The following KIAA1671 variants were observed in gnomAD, a reference collection of about 807,000 sequenced individuals.
The protein encoded by KIAA1671 is uncharacterized protein KIAA1671.
Under a neutral mutation model 131.2 loss-of-function variants are expected in KIAA1671, and 52 were observed. The observed-to-expected ratio is 0.40, with a 90% CI of 0.32 to 0.50. The LOEUF is 0.50. KIAA1671 is among the 20% of genes least tolerant of loss of function. KIAA1671 has a pLI of 0.73. For synonymous variants in KIAA1671, 1,003 were observed against 961.6 expected (o/e 1.04, Z -0.80); for missense variants, 2,360 against 2,364.2 (o/e 1.00, Z 0.04).
rs1187660867 is a variant in KIAA1671, at chr22:25,040,707, G to A, written c.3577G>A (p.Gly1193Ser). 1 of 1,552,010 alleles carries A rather than the reference G, an allele frequency of 6.4e-7. No individual in the cohort carries two copies. The change falls in exon 5 of 13, where the codon GGC (glycine) becomes AGC (serine). Residue 1193 changes from glycine to serine, a missense_variant. Around this residue, in one of 3 missense-constraint regions of KIAA1671, gnomAD observed 1,161 missense variants for 1,204.7 expected, o/e 0.96. Transcript: ENST00000358431. ...SDTFPGKIRD[G>S]YRSSVLDIDA... ...CACGTTCCCAGGTAAAATCAGAGAT[G>A]GCTACAGATCCAGCGTTCTTGACAT...
chr22:24,999,884 T>C (rs1924345181), intron 1 of KIAA1671, among the ~76,000 whole-genome samples: 1 of 151,800 alleles, frequency 6.6e-6, no homozygotes, highest in African/African-American at 2.4e-5. Flanking sequence ...ATTTCATTTA[T>C]GTGCTTTGTT....
At chr22:25,128,152 G>A (rs1248223825) in intron 6 of KIAA1671, among the ~76,000 whole-genome samples, 1 of 152,218 alleles carries the variant, frequency 6.6e-6, no homozygotes, top group African/African-American at 2.4e-5. Flanking sequence ...CACGAGGAGA[G>A]TACCAGGCAG....
At chr22:24,981,426 C>T (rs916748181) in intron 1 of KIAA1671, among the ~76,000 whole-genome samples, 43 of 152,268 alleles carry the variant, frequency 2.8e-4, no homozygotes, top group African/African-American at 9.9e-4. Flanking sequence ...AGCCCCGCAT[C>T]GCATTCTTCC....
chr22:25,068,425 GT>G (rs992319081), intron 6 of KIAA1671, among the ~76,000 whole-genome samples: 31 of 151,824 alleles, frequency 2.0e-4, no homozygotes, highest in Non-Finnish European at 2.8e-4. Context: ...CCCTCTCCTT[GT>G]TTTTTGTTTT....
chr22:25,060,653 C>T (rs1928109370), intron 6 of KIAA1671: 9 of 152,226 alleles, frequency 5.9e-5, no homozygotes, highest in Admixed American at 4.6e-4. Context: ...AACGAACTGA[C>T]TTGGCCCAGG....
At chr22:25,176,697 C>T (rs1934040479) in intron 8 of KIAA1671, 1 of 152,256 alleles carries the variant, frequency 6.6e-6, no homozygotes, top group African/African-American at 2.4e-5. Flanking sequence ...CTTCCCATCT[C>T]CTTACTGGGG....
intron 1 of KIAA1671, among the ~76,000 whole-genome samples, chr22:24,983,674 C>G (rs1280890051): frequency 9.1e-6 from 1 of 109,696 alleles, no homozygotes; most frequent in Non-Finnish European, 1.7e-5. Context: ...CTAGGGCTTT[C>G]TGGCAGGAGT....
intron 1 of KIAA1671, among the ~76,000 whole-genome samples, chr22:24,985,800 C>T (rs1322751457): frequency 1.4e-5 from 2 of 147,112 alleles, no homozygotes; most frequent in Non-Finnish European, 3.0e-5. Context: ...GAGAGAGAAA[C>T]AGAATGAGAG....
rs1018353790 is a variant in KIAA1671, at chr22:25,013,897, C to T, written c.-207-11736C>T. Reference sequence around the variant, plus strand: ...TGAGGGCAAGGCCTGGTTTATTGCTCATTAGACATCTTTACTGGGTCTGCC... The same window carrying T: ...TGAGGGCAAGGCCTGGTTTATTGCTTATTAGACATCTTTACTGGGTCTGCC... On this transcript the variant is annotated intron_variant, in intron 1 of 12. Coordinates refer to ENST00000358431, the MANE Select transcript of KIAA1671 (RefSeq NM_001145206.2). The T allele has an allele frequency of 1.5e-4, 23 of 152,304 alleles. 1 individual carries two copies. Among genetic ancestry groups the T allele is most frequent in the East Asian group, 7.7e-4 (4 of 5,186 alleles). The allele number at this position is 152,304 out of a possible 1,614,324, so 9.4% of individuals were successfully genotyped here.
intron 6 of KIAA1671, among the ~76,000 whole-genome samples, chr22:25,079,746 G>C (rs1032934833): frequency 6.6e-6 from 1 of 152,170 alleles, no homozygotes; most frequent in Non-Finnish European, 1.5e-5. Context: ...TGACCATGCC[G>C]GGCCTTGCAG....
chr22:24,994,052 A>G (rs1602053055), intron 1 of KIAA1671, among the ~76,000 whole-genome samples: 3 of 151,912 alleles, frequency 2.0e-5, no homozygotes, highest in Non-Finnish European at 2.9e-5. Context: ...TTGCACTCCA[A>G]CCTAGGCAAC....
chr22:25,097,814 G>T (rs528979186), intron 6 of KIAA1671, among the ~76,000 whole-genome samples: 8 of 152,086 alleles, frequency 5.3e-5, no homozygotes, highest in African/African-American at 1.9e-4. Flanking sequence ...CATATGACTT[G>T]CAACACCTGA....
chr22:24,956,866 T>G (rs1366525323), intron 1 of KIAA1671, among the ~76,000 whole-genome samples: 1 of 116,602 alleles, frequency 8.6e-6, no homozygotes. Flanking sequence ...AGCGAGACTC[T>G]GTCTCAAAAA....
chr22:25,113,012 C>T, intron 6 of KIAA1671, among the ~76,000 whole-genome samples: 1 of 152,092 alleles, frequency 6.6e-6, no homozygotes, highest in South Asian at 2.1e-4. Flanking sequence ...GGGAGGGAGG[C>T]CTTGATTTCT....
chr22:24,992,642 C>A (rs538482520), intron 1 of KIAA1671, among the ~76,000 whole-genome samples: 1 of 151,640 alleles, frequency 6.6e-6, no homozygotes, highest in East Asian at 1.9e-4. Flanking sequence ...TGGTGAAACC[C>A]CCTCTCTACT....
At chr22:25,188,075 C>CACA (rs1934536892) in intron 11 of KIAA1671, among the ~76,000 whole-genome samples, 2 of 152,170 alleles carry the variant, frequency 1.3e-5, no homozygotes, top group Admixed American at 6.5e-5. Context: ...CTGAGGTGGG[C>CACA]GGATCACAAG....
At chr22:25,097,737 A>C (rs560797833) in intron 6 of KIAA1671, among the ~76,000 whole-genome samples, 168 of 55,808 alleles carry the variant, frequency 3.0e-3, no homozygotes, top group African/African-American at 8.9e-3. Flanking sequence ...GAGACTCCAT[A>C]AAAAAAAAAA....
chr22:25,129,407 T>A (rs963772270), intron 6 of KIAA1671, among the ~76,000 whole-genome samples: 1 of 151,404 alleles, frequency 6.6e-6, no homozygotes, highest in Admixed American at 6.6e-5. Context: ...CTCGGAAGGC[T>A]GAGGCAGGCG....
rs114718616 is a variant in KIAA1671 at position 24,986,309 on chromosome 22, G to A, written c.-208+33537G>A. Among the ~76,000 whole-genome samples, 1,439 of 152,154 alleles carry A rather than the reference G, an allele frequency of 9.5e-3. 22 individuals are homozygous for A. Among genetic ancestry groups the A allele is most frequent in the African/African-American group, 0.033 (1,372 of 41,494 alleles). ...CGGTATCTGTGGGAGACTGGGTTAC[G>A]GGATACCAAAATCCCCAGAAGCTCA... On this transcript the variant is annotated intron_variant, in intron 1 of 12. Coordinates refer to ENST00000358431, the MANE Select transcript of KIAA1671 (RefSeq NM_001145206.2).
Sources: allele counts gnomAD v4.1 joint callset (sites outside exome capture counted in the v4.1 genomes callset), GRCh38; gene constraint gnomAD v4.1.1; regional missense constraint gnomAD v4.1.1; transcripts MANE v1.5; gene names NCBI Gene and HGNC (gene_info 2026-07-23, HGNC 2026-07-21).